Variants in PDE11A observed in about 807,000 individuals in gnomAD.
PDE11A encodes phosphodiesterase 11A, also known as dual 3',5'-cyclic-AMP and -GMP phosphodiesterase 11A.
Under a neutral mutation model 100.5 loss-of-function variants are expected in PDE11A, and 100 were observed. That is an observed-to-expected ratio of 1.00 (90% CI 0.85 to 1.18). PDE11A has a LOEUF of 1.18. Ranked by LOEUF, PDE11A falls within the 50% of genes most tolerant of loss-of-function variation. The probability of loss-of-function intolerance (pLI) is 0.00; values close to 1 mark genes in which losing one functional copy is unlikely to be tolerated. For synonymous variants in PDE11A, 381 were observed against 420.8 expected (o/e 0.91, Z 1.16); for missense variants, 1,141 against 1,152.6 (o/e 0.99, Z 0.15).
chr2:177,829,711 T>A (rs893008755), intron 6 of PDE11A, among the ~76,000 whole-genome samples: 6 of 151,652 alleles, frequency 4.0e-5, no homozygotes, highest in African/African-American at 1.5e-4. Context: ...CTCGGCCTCC[T>A]AAAGTGCTGG....
At chr2:177,757,781 G>A (rs1270025691) in intron 10 of PDE11A, among the ~76,000 whole-genome samples, 2 of 152,102 alleles carry the variant, frequency 1.3e-5, no homozygotes, top group East Asian at 3.9e-4. Flanking sequence ...CCAGCCTGGG[G>A]GGATGAGGTG....
At position 177,669,711 on chromosome 2, in the gene PDE11A, T is replaced by C. The variant is rs955248610; in HGVS notation, c.2488-144A>G. On this transcript the variant is annotated intron_variant, in intron 17 of 19. Coordinates refer to ENST00000286063, the MANE Select transcript of PDE11A (RefSeq NM_016953.4). ...AGGAAGTAAGTATATTAACCTTTCA[T>C]GTTTGAAGGTGTTATAGAACTTAAT... The C allele has an allele frequency of 6.2e-6, 4 of 641,566 alleles. No individual in the cohort carries two copies. In the African/African-American group the frequency reaches 7.2e-5, roughly 12 times the overall value. The allele number at this position is 641,566 out of a possible 1,614,324, so 39.7% of individuals were successfully genotyped here.
At chr2:177,810,471 T>C (rs75052228) in intron 9 of PDE11A, among the ~76,000 whole-genome samples, 6,301 of 152,198 alleles carry the variant, frequency 0.041, 205 homozygotes, top group Middle Eastern at 0.079. Context: ...GAGATTACAT[T>C]TACATTGTGC....
At chr2:177,637,604 T>C (rs2080060228) in intron 19 of PDE11A, among the ~76,000 whole-genome samples, 1 of 151,362 alleles carries the variant, frequency 6.6e-6, no homozygotes, top group Non-Finnish European at 1.5e-5. Flanking sequence ...TTGATTCTCA[T>C]GTGCATTGCT....
At chr2:177,821,849 T>C (rs1404442489) in intron 6 of PDE11A, among the ~76,000 whole-genome samples, 4 of 151,936 alleles carry the variant, frequency 2.6e-5, no homozygotes, top group African/African-American at 9.7e-5. Context: ...ATTAATGAAG[T>C]TGAGCAACTT....
intron 6 of PDE11A, among the ~76,000 whole-genome samples, chr2:177,833,757 T>C (rs2083346553): frequency 6.6e-6 from 1 of 152,192 alleles, no homozygotes; most frequent in Admixed American, 6.5e-5. Context: ...AATTAGCCAC[T>C]GAGCTATTGA....
intron 9 of PDE11A, among the ~76,000 whole-genome samples, chr2:177,816,097 G>C (rs2083033842): frequency 6.6e-6 from 1 of 152,130 alleles, no homozygotes; most frequent in African/African-American, 2.4e-5. Context: ...TGTAATCCCA[G>C]CTACTCGGGA....
chr2:178,039,389 G>A (rs2086656271), intron 1 of PDE11A, among the ~76,000 whole-genome samples: 1 of 152,124 alleles, frequency 6.6e-6, no homozygotes, highest in South Asian at 2.1e-4. Context: ...AGGATGGAGG[G>A]TGAGAGGAGG....
At chr2:177,717,836 C>T (rs577159976) in intron 12 of PDE11A, among the ~76,000 whole-genome samples, 1 of 152,328 alleles carries the variant, frequency 6.6e-6, no homozygotes, top group East Asian at 1.9e-4. Context: ...CTGGACTACC[C>T]AGTAATTTCT....
At chr2:178,023,380 A>C (rs998935798) in intron 1 of PDE11A, among the ~76,000 whole-genome samples, 1 of 152,184 alleles carries the variant, frequency 6.6e-6, no homozygotes, top group African/African-American at 2.4e-5. Flanking sequence ...TTCTCTTTCT[A>C]CTTTCTCAGA....
chr2:177,766,331 T>C (rs554662252), intron 10 of PDE11A, among the ~76,000 whole-genome samples: 1 of 152,266 alleles, frequency 6.6e-6, no homozygotes, highest in African/African-American at 2.4e-5. Flanking sequence ...CAGGTGGTAA[T>C]ATTTGCACGC....
intron 16 of PDE11A, among the ~76,000 whole-genome samples, chr2:177,676,563 C>T (rs537234269): frequency 5.3e-5 from 8 of 152,324 alleles, no homozygotes; most frequent in African/African-American, 1.9e-4. Context: ...CTCCAGGGAA[C>T]AAGGCAGGGT....
chr2:178,051,611 T>C (rs1204732935), intron 1 of PDE11A, among the ~76,000 whole-genome samples: 2 of 152,238 alleles, frequency 1.3e-5, no homozygotes, highest in South Asian at 2.1e-4. Flanking sequence ...TCAGGAGACC[T>C]ATCTCATGTG....
intron 9 of PDE11A, among the ~76,000 whole-genome samples, chr2:177,805,431 T>C (rs900778188): frequency 1.3e-5 from 2 of 151,982 alleles, no homozygotes; most frequent in African/African-American, 4.8e-5. Context: ...TGCTTAGAAA[T>C]AGGAAATTTT....
At chr2:177,683,009 G>A (rs1050675370) in intron 15 of PDE11A, among the ~76,000 whole-genome samples, 3 of 152,154 alleles carry the variant, frequency 2.0e-5, no homozygotes, top group African/African-American at 7.2e-5. Context: ...GAAACTTAGT[G>A]CTGACCCTCT....
Position 177,628,120 on chromosome 2 carries a change from G to C in PDE11A, c.*1287C>G, listed in dbSNP as rs1374145493. ...TCATTGAAAGATTTATTTGAACAAA[G>C]AGTTGTAAGGTTAAAACATGTTCGA... On this transcript the variant is annotated 3_prime_UTR_variant, in exon 20 of 20. Transcript: ENST00000286063. 1 of 152,570 alleles carries C rather than the reference G, an allele frequency of 6.6e-6. No homozygotes were observed. Among genetic ancestry groups the C allele is most frequent in the Non-Finnish European group, 1.5e-5 (1 of 68,034 alleles). The allele number at this position is 152,570 out of a possible 1,614,324, so 9.5% of individuals were successfully genotyped here.
chr2:177,728,311 G>T, intron 10 of PDE11A, 139 bp from the exon 11 acceptor site: 1 of 557,098 alleles, frequency 1.8e-6, no homozygotes, highest in Non-Finnish European at 3.3e-6. Flanking sequence ...GCTAAACTCT[G>T]AGCTGTAAAT....
chr2:177,662,965 G>A (rs765667264), intron 19 of PDE11A, among the ~76,000 whole-genome samples: 1 of 152,118 alleles, frequency 6.6e-6, no homozygotes, highest in Admixed American at 6.5e-5. Flanking sequence ...TTTTTAATGG[G>A]GTTACATAGG....
intron 4 of PDE11A, among the ~76,000 whole-genome samples, chr2:177,876,840 C>G (rs1354053944): frequency 2.0e-5 from 3 of 147,908 alleles, no homozygotes; most frequent in Non-Finnish European, 3.0e-5. Context: ...GGACGGAAAC[C>G]TTTCCTTCTA....
Sources: gnomAD v4.1 joint callset for allele counts (sites outside exome capture counted in the v4.1 genomes callset) on GRCh38, gnomAD v4.1.1 for gene constraint, MANE v1.5 for transcripts, NCBI Gene and HGNC (gene_info 2026-07-23, HGNC 2026-07-21) for gene names.